The following ARHGEF10L variants were observed in gnomAD, a reference collection of about 807,000 sequenced individuals.
The protein encoded by ARHGEF10L is Rho guanine nucleotide exchange factor 10 like, also known as rho guanine nucleotide exchange factor 10-like protein.
In ARHGEF10L, 69 loss-of-function variants were observed where a neutral mutation model predicts 141.2. The ratio of observed to expected loss-of-function variants is 0.49; its 90% CI spans 0.40 to 0.60. The LOEUF (loss-of-function observed/expected upper bound fraction) is 0.60. Among genes scored for constraint, ARHGEF10L ranks in the 20% least tolerant of loss-of-function variants. The pLI, the probability that ARHGEF10L is intolerant of heterozygous loss-of-function variation, is 0.00. For missense variants in ARHGEF10L, 1,482 were observed against 1,734.3 expected (o/e 0.85, Z 2.58); for synonymous variants, 711 against 718.5 (o/e 0.99, Z 0.17).
chr1:17,566,125 A>T (rs1186282109), intron 1 of ARHGEF10L, among the ~76,000 whole-genome samples: 1 of 152,232 alleles, frequency 6.6e-6, no homozygotes, highest in Non-Finnish European at 1.5e-5. Context: ...AGCGTCTGCT[A>T]TAGATCCCCA....
At chr1:17,588,755 C>T (rs1256754175) in intron 4 of ARHGEF10L, among the ~76,000 whole-genome samples, 2 of 151,964 alleles carry the variant, frequency 1.3e-5, no homozygotes, top group African/African-American at 4.8e-5. Flanking sequence ...CAGAAACTCT[C>T]CAAGTGTCAG....
intron 18 of ARHGEF10L, 83 bp downstream of exon 18, chr1:17,635,099 C>G: frequency 6.4e-7 from 1 of 1,552,046 alleles, no homozygotes; most frequent in South Asian, 1.2e-5. Flanking sequence ...CCAGGCTTGG[C>G]CCTGTCTTGG....
chr1:17,521,208 T>G, the ARHGEF10L span, among the ~76,000 whole-genome samples: 126 of 152,304 alleles, frequency 8.3e-4, 1 homozygote, highest in Middle Eastern at 3.4e-3. Context: ...TTTGTTTTGT[T>G]TTTTTGAGAC....
chr1:17,588,558 G>A, intron 4 of ARHGEF10L, 79 bp downstream of exon 4: 1 of 1,565,872 alleles, frequency 6.4e-7, no homozygotes, highest in African/African-American at 1.4e-5. Flanking sequence ...GGGTGGAGCT[G>A]AGGCCCAGAG....
chr1:17,550,055 G>A (rs2077054828), intron 1 of ARHGEF10L, among the ~76,000 whole-genome samples: 1 of 152,182 alleles, frequency 6.6e-6, no homozygotes, highest in Admixed American at 6.5e-5. Flanking sequence ...GTGGAGGGGT[G>A]GAGCTGGGAA....
chr1:17,695,169 T>C lies in ARHGEF10L; in HGVS notation c.3196T>C (p.Leu1066=), dbSNP rs1254851695. The C allele has an allele frequency of 5.6e-6, 9 of 1,612,776 alleles. No individual in the cohort carries two copies. The Admixed American group carries it at 8.3e-5, about 15-fold the overall frequency. Residue 1066 remains leucine, a synonymous_variant, in exon 28 of 29, where the codon TTG becomes CTG. Transcript: ENST00000361221. ...CTCTCTTTCTGCAGGCCAGAAGCAC[T>C]TGTGTGTCACCAGCCTCCTGATCTG... The part of the protein sequence containing the change: ...TTFLLPGQKH[L]CVTSLLICQG...
intron 25 of ARHGEF10L, among the ~76,000 whole-genome samples, chr1:17,660,354 C>T (rs1047685258): frequency 2.0e-5 from 3 of 152,172 alleles, no homozygotes; most frequent in Non-Finnish European, 2.9e-5. Context: ...TTGGGCCTTT[C>T]CTTTGCCCCT....
chr1:17,524,890 G>A, the ARHGEF10L span, among the ~76,000 whole-genome samples: 1 of 152,224 alleles, frequency 6.6e-6, no homozygotes, highest in African/African-American at 2.4e-5. Flanking sequence ...AGGTTTAGGA[G>A]CTTAGCAGGT....
intron 26 of ARHGEF10L, among the ~76,000 whole-genome samples, chr1:17,676,401 G>C (rs924623096): frequency 3.3e-5 from 5 of 150,320 alleles, no homozygotes; most frequent in Non-Finnish European, 7.4e-5. Context: ...TGTGGGTACA[G>C]GTGTATGTTC....
intron 1 of ARHGEF10L, among the ~76,000 whole-genome samples, chr1:17,556,589 C>T (rs998871310): frequency 1.3e-5 from 2 of 152,144 alleles, no homozygotes; most frequent in South Asian, 2.1e-4. Flanking sequence ...TCTCAGAAGG[C>T]GCAGTGTGTG....
intron 21 of ARHGEF10L, among the ~76,000 whole-genome samples, chr1:17,645,924 C>T (rs970204076): frequency 1.3e-5 from 2 of 152,212 alleles, no homozygotes; most frequent in South Asian, 2.1e-4. Context: ...TATGGCAACG[C>T]GCGTGCCCTG....
At chr1:17,684,501 C>A (rs2064399195) in intron 26 of ARHGEF10L, among the ~76,000 whole-genome samples, 1 of 152,108 alleles carries the variant, frequency 6.6e-6, no homozygotes, top group Non-Finnish European at 1.5e-5. Context: ...TGCACCTGGG[C>A]CTTCTCTGAG....
chr1:17,688,497 C>T (rs1295819437), intron 27 of ARHGEF10L, among the ~76,000 whole-genome samples: 2 of 152,244 alleles, frequency 1.3e-5, no homozygotes, highest in Admixed American at 1.3e-4. Context: ...CTCCTTGGCC[C>T]AGCTTCCCCC....
chr1:17,634,194 C>T, intron 16 of ARHGEF10L: 1 of 403,632 alleles, frequency 2.5e-6, no homozygotes, highest in South Asian at 3.1e-5. Flanking sequence ...ATGATGAATA[C>T]CCTCTCTGCC....
chr1:17,632,678 C>T (rs1234884305), intron 16 of ARHGEF10L, among the ~76,000 whole-genome samples: 1 of 152,246 alleles, frequency 6.6e-6, no homozygotes, highest in East Asian at 1.9e-4. Flanking sequence ...CAGCCCTCAG[C>T]CTCGGGCACA....
rs781413001 is a variant in ARHGEF10L, at chr1:17,577,543, T to C, written c.-43-3010T>C. Among the ~76,000 whole-genome samples, 11 of 152,186 alleles carry C rather than the reference T, an allele frequency of 7.2e-5. 1 individual carries two copies. The highest frequency in any genetic ancestry group is 2.9e-5 in the Non-Finnish European group (2 of 68,028). On this transcript the variant is annotated intron_variant, in intron 1 of 28. Transcript: ENST00000361221. ...AGCCATCCCCACTCCCTTGTCCACA[T>C]CCTTCTGAGACTAACAGCCTGTGTG...
rs903087881 is a variant in ARHGEF10L at position 17,617,830 on chromosome 1, T to A, written c.836-1509T>A. On this transcript the variant is annotated intron_variant, in intron 9 of 28. Coordinates refer to ENST00000361221, the MANE Select transcript of ARHGEF10L (RefSeq NM_018125.4). The stretch of plus-strand genomic sequence containing the variant: ...GAGAGCCCCATGTAGCAGACGTTAT[T>A]CTTGGTGGGCGGTCAGTCCCTAAGT... Among the ~76,000 whole-genome samples, 6 of 152,180 alleles carry A rather than the reference T, an allele frequency of 3.9e-5. 1 individual carries two copies. In the South Asian group the frequency reaches 1.2e-3, roughly 32 times the overall value.
intron 21 of ARHGEF10L, 23 bp downstream of exon 21, chr1:17,640,325 T>G (rs1478857141): frequency 6.3e-7 from 1 of 1,588,194 alleles, no homozygotes; most frequent in Non-Finnish European, 8.6e-7. Flanking sequence ...CCAGGGAGAG[T>G]GCCTCAGGGG....
intron 1 of ARHGEF10L, among the ~76,000 whole-genome samples, chr1:17,567,727 C>T (rs1260265169): frequency 6.6e-6 from 1 of 152,150 alleles, no homozygotes; most frequent in Non-Finnish European, 1.5e-5. Flanking sequence ...GGGGCTGATT[C>T]TCCAGCCGGC....
Sources: allele counts gnomAD v4.1 joint callset (sites outside exome capture counted in the v4.1 genomes callset), GRCh38; gene constraint gnomAD v4.1.1; transcripts MANE v1.5; gene names NCBI Gene and HGNC (gene_info 2026-07-23, HGNC 2026-07-21).